PKD1: variants seen among roughly 807,000 people sequenced by gnomAD.
PKD1 encodes polycystin-1.
A neutral mutation model predicts 361.7 loss-of-function variants in PKD1; 81 were observed. That is an observed-to-expected ratio of 0.22 (90% CI 0.19 to 0.27). The LOEUF (loss-of-function observed/expected upper bound fraction) is 0.27, where lower values mean the gene tolerates loss of function less well. Ranked by LOEUF, PKD1 falls within the 10% of genes least tolerant of loss-of-function variation. The probability of loss-of-function intolerance (pLI) is 1.00; values close to 1 mark genes in which losing one functional copy is unlikely to be tolerated. For synonymous variants in PKD1, 3,615 were observed against 2,818.3 expected (o/e 1.28, Z -8.95); for missense variants, 6,399 against 6,118.3 (o/e 1.05, Z -1.53).
chr16:2,105,191 G>A (rs2092295187), intron 21 of PKD1, 131 bp downstream of exon 21: 2 of 872,890 alleles, frequency 2.3e-6, no homozygotes, highest in East Asian at 5.3e-5. Flanking sequence ...AGAGACCGAG[G>A]AACGCCATGG....
At chr16:2,134,245 G>C (rs1347840652) in intron 1 of PKD1, among the ~76,000 whole-genome samples, 2 of 124,256 alleles carry the variant, frequency 1.6e-5, no homozygotes, top group African/African-American at 7.5e-5. Context: ...ATTGGTCCAG[G>C]AGAACCCATT....
intron 23 of PKD1, 76 bp downstream of exon 23, chr16:2,103,190 T>C (rs2092170906): frequency 3.4e-6 from 5 of 1,457,520 alleles, no homozygotes; most frequent in East Asian, 2.4e-5. Flanking sequence ...GAGACACCCA[T>C]GGAAGCCCTA....
chr16:2,098,376 T>G (rs527549308), intron 30 of PKD1, among the ~76,000 whole-genome samples: 84 of 149,904 alleles, frequency 5.6e-4, no homozygotes, highest in African/African-American at 1.2e-3. Flanking sequence ...GCCCAGCTAA[T>G]TTTTTGTATT....
rs768540341 is a variant in PKD1, at chr16:2,109,344, G to C, written c.5823C>G (p.Pro1941=). The C allele has an allele frequency of 5.7e-6, 9 of 1,591,474 alleles. No homozygotes were observed. The African/African-American group carries it at 9.4e-5, about 17-fold the overall frequency. Residue 1941 remains proline (P), a synonymous_variant, in exon 15 of 46, where the codon CCC becomes CCG. Transcript: ENST00000262304. ...CGCTCACCACGTGGTCTCCGACGCG[G>C]GGGAAGCTGTGGGAGAAACGGGGCC... ...LPGPRFSHSF[P]RVGDHVVSVR...
chr16:2,112,757 C>G, intron 13 of PKD1, 31 bp downstream of exon 13: 2 of 1,588,040 alleles, frequency 1.3e-6, no homozygotes, highest in Non-Finnish European at 1.7e-6. Context: ...GAGCCTGGTG[C>G]CCACCCCAAA....
rs751293870 is a variant in PKD1 at position 2,111,673 on chromosome 16, T to C, written c.3494A>G (p.Asp1165Gly). Residue 1165 changes from aspartate (D) to glycine (G), a missense_variant, in exon 15 of 46, where the codon GAC (aspartate) becomes GGC (glycine). Coordinates refer to ENST00000262304, the MANE Select transcript of PKD1 (RefSeq NM_001009944.3). ...GCTCTGGGTCAGGACAGGGGAGCCG[T>C]CCCCGAAGTCCCACGTGTAAAGAAC... The part of the protein sequence containing the change: ...GGVLYTWDFG[D>G]GSPVLTQSQP... 4.4e-6 allele frequency: 7 copies of C among 1,575,466 alleles called. No individual in the cohort carries two copies. The highest frequency in any genetic ancestry group is 2.7e-5 in the African/African-American group (2 of 74,058).
At chr16:2,099,325 T>C (rs2091987668) in intron 30 of PKD1, 1 of 393,484 alleles carries the variant, frequency 2.5e-6, no homozygotes, top group African/African-American at 2.1e-5. Flanking sequence ...TGTACTGAGA[T>C]TTTCTTCTGG....
Position 2,110,821 on chromosome 16 carries a change from T to C in PKD1, c.4346A>G (p.Asn1449Ser), listed in dbSNP as rs753557920. 17 of 1,611,658 alleles carry C rather than the reference T, an allele frequency of 1.1e-5. No homozygotes were observed. Among genetic ancestry groups the C allele is most frequent in the Middle Eastern group, 1.9e-4 (1 of 5,262 alleles). Residue 1449 changes from asparagine (N) to serine (S), a missense_variant, in exon 15 of 46, where the codon AAC (asparagine) becomes AGC (serine). Physicochemically the swap from Asn to Ser is conservative, Grantham distance 46 (BLOSUM62 1). Coordinates refer to ENST00000262304, the MANE Select transcript of PKD1 (RefSeq NM_001009944.3). ...TGAGTCATTGGCAGCAGAGATGTTGTTGGACGCGGTGACTGTCACAAGATA... is the reference window on the plus strand; with the variant it reads ...TGAGTCATTGGCAGCAGAGATGTTGCTGGACGCGGTGACTGTCACAAGATA... Reference protein sequence around the residue: ...GSYLVTVTASNNISAANDSAL... With the variant: ...GSYLVTVTASSNISAANDSAL...
intron 35 of PKD1, 24 bp downstream of exon 35, chr16:2,094,068 C>T: frequency 6.3e-7 from 1 of 1,585,982 alleles, no homozygotes; most frequent in East Asian, 2.3e-5. Flanking sequence ...GGGCTAGGGG[C>T]ATCCCGGGGC....
chr16:2,098,274 T>C (rs1458396315), intron 30 of PKD1: 6 of 486,840 alleles, frequency 1.2e-5, no homozygotes, highest in South Asian at 8.4e-5. Context: ...AATGGCGCAA[T>C]CTCAGCTCAC....
rs775304046 is a variant in PKD1, at chr16:2,112,840, G to A, written c.3109C>T (p.Leu1037=). 2.5e-6 allele frequency: 4 copies of A among 1,604,156 alleles called. No homozygotes were observed. In the Admixed American group the frequency reaches 5.0e-5, roughly 20 times the overall value. ...VPAVLSPNAT[L]ALTAGVLVDS... ...ACCAGCACGCCCGCCGTCAGTGCTA[G>A]CGTGGCATTGGGGGACAGCACGGCC... Residue 1037 remains leucine (L), a synonymous_variant, in exon 13 of 46, where the codon CTA becomes TTA. Coordinates refer to ENST00000262304, the MANE Select transcript of PKD1 (RefSeq NM_001009944.3).
rs762280267 is a variant in PKD1, at chr16:2,092,035, C to G, written c.11411+12G>C. Reference sequence around the variant, plus strand: ...CCTTGGCGTAGACGCCCGGGGCCCTCGCTCTGCTCACCCCAGCAGATCCGG... The same window carrying G: ...CCTTGGCGTAGACGCCCGGGGCCCTGGCTCTGCTCACCCCAGCAGATCCGG... On this transcript the variant is annotated intron_variant, in intron 40 of 45. Coordinates refer to ENST00000262304, the MANE Select transcript of PKD1 (RefSeq NM_001009944.3). 2.5e-6 allele frequency: 4 copies of G among 1,612,724 alleles called. No homozygotes were observed. The highest frequency in any genetic ancestry group is 1.3e-5 in the African/African-American group (1 of 75,064).
chr16:2,125,377 G>A (rs1324965739), intron 1 of PKD1, among the ~76,000 whole-genome samples: 11 of 152,172 alleles, frequency 7.2e-5, no homozygotes, highest in Non-Finnish European at 1.6e-4. Flanking sequence ...AGCCCTGCAC[G>A]AGGGTCTCTG....
chr16:2,096,880 T>C (rs1596499209), intron 34 of PKD1: 3 of 549,192 alleles, frequency 5.5e-6, no homozygotes, highest in Non-Finnish European at 6.5e-6. Flanking sequence ...GATAAAAACG[T>C]GGCCCCGGCC....
chr16:2,108,309 C>T lies in PKD1; in HGVS notation c.6858G>A (p.Leu2286=), dbSNP rs141151702. 2.5e-6 allele frequency: 4 copies of T among 1,602,686 alleles called. No individual in the cohort carries two copies. The highest frequency in any genetic ancestry group is 2.3e-4 in the Middle Eastern group (1 of 4,400). ...TGAGCGGCGTCTGGTCGCCGTCCTC[C>T]AGGTTGGGGTCGTAGGACTCGCTCC... The part of the protein sequence containing the change: ...LDGSESYDPN[L]EDGDQTPLSF... The change falls in exon 15 of 46, where the codon CTG becomes CTA. Residue 2286 remains leucine, a synonymous_variant. Coordinates refer to ENST00000262304, the MANE Select transcript of PKD1 (RefSeq NM_001009944.3).
In PKD1 at chr16:2,090,130, T is replaced by C. The variant is rs533937713; in HGVS notation, c.12509A>G (p.Lys4170Arg). The C allele has an allele frequency of 6.8e-5, 108 of 1,598,104 alleles. 1 individual carries two copies. In the South Asian group the frequency reaches 1.0e-3, roughly 15 times the overall value. ...PLPSRSSRGS[K>R]VSPDVPPPSA... Reference sequence around the variant, plus strand: ...GGGTGGGGGCACATCCGGGGATACCTTGGAGCCCCTGGAGGAGCGAGAGGG... The same window carrying C: ...GGGTGGGGGCACATCCGGGGATACCCTGGAGCCCCTGGAGGAGCGAGAGGG... Residue 4170 changes from lysine to arginine, a missense_variant, in exon 46 of 46, where the codon AAG (lysine) becomes AGG (arginine). Transcript: ENST00000262304.
At position 2,102,923 on chromosome 16, in the gene PKD1, G is replaced by A. The variant is rs1157421004; in HGVS notation, c.8839C>T (p.His2947Tyr). ...EPEPYLAVYL[H>Y]SEPRPNEHNC... ...TGCTCATTGGGCCGGGGCTCCGAGT[G>A]TAGGTAGACTGCCAGGTAGGGCTCA... The change falls in exon 24 of 46, where the codon CAC becomes TAC. Residue 2947 changes from histidine to tyrosine, a missense_variant. Transcript: ENST00000262304. 2 of 1,609,270 alleles carry A rather than the reference G, an allele frequency of 1.2e-6. No homozygotes were observed. The highest frequency in any genetic ancestry group is 4.5e-5 in the East Asian group (2 of 44,882).
chr16:2,102,424 G>A lies in PKD1; in HGVS notation c.9158C>T (p.Ala3053Val), dbSNP rs1206967532. The A allele has an allele frequency of 6.4e-7, 1 of 1,551,848 alleles. No individual in the cohort carries two copies. The highest frequency in any genetic ancestry group is 1.2e-5 in the South Asian group (1 of 84,554). Residue 3053 changes from alanine to valine, a missense_variant, in exon 25 of 46, where the codon GCC becomes GTC. Physicochemically the swap from Ala to Val is moderately conservative, Grantham distance 64 (BLOSUM62 0). Transcript: ENST00000262304. ...CLTRHLTAFGASLFVPPSHVR... is the reference protein window; with the variant it reads ...CLTRHLTAFGVSLFVPPSHVR... ...ATGGCTTGGGGGCACGAAGAGGCTG[G>A]CGCCGAAGGCGGTGAGGTGGCGGGT...
chr16:2,126,233 G>A (rs1414639261), intron 1 of PKD1, among the ~76,000 whole-genome samples: 2 of 152,250 alleles, frequency 1.3e-5, no homozygotes, highest in African/African-American at 4.8e-5. Flanking sequence ...ACGTTCCCTG[G>A]GCATGGGCTT....
Sources: allele counts gnomAD v4.1 joint callset (sites outside exome capture counted in the v4.1 genomes callset), GRCh38; gene constraint gnomAD v4.1.1; transcripts MANE v1.5; gene names NCBI Gene and HGNC (gene_info 2026-07-23, HGNC 2026-07-21).